DPYSL5: variants seen among roughly 807,000 people sequenced by gnomAD.
DPYSL5 encodes dihydropyrimidinase-related protein 5.
In DPYSL5, 9 loss-of-function variants were observed where a neutral mutation model predicts 58.4. The observed-to-expected ratio is 0.15, with a 90% CI of 0.09 to 0.27. The LOEUF (loss-of-function observed/expected upper bound fraction) is 0.27. Among genes scored for constraint, DPYSL5 ranks in the 10% least tolerant of loss-of-function variants. The pLI, the probability that DPYSL5 is intolerant of heterozygous loss-of-function variation, is 1.00. For missense variants in DPYSL5, 499 were observed against 770.6 expected (o/e 0.65, Z 4.17); for synonymous variants, 293 against 301.9 (o/e 0.97, Z 0.31).
intron 2 of DPYSL5, among the ~76,000 whole-genome samples, chr2:26,923,993 G>A (rs1298606979): frequency 1.3e-5 from 2 of 152,096 alleles, no homozygotes; most frequent in Non-Finnish European, 2.9e-5. Flanking sequence ...AGTTTTGTTT[G>A]GGAACAACAC....
At chr2:26,861,794 CT>C (rs2148110601) in intron 1 of DPYSL5, among the ~76,000 whole-genome samples, 1 of 152,316 alleles carries the variant, frequency 6.6e-6, no homozygotes, top group Admixed American at 6.5e-5. Flanking sequence ...AATCCTCTAT[CT>C]TTGAATGTGG....
chr2:26,942,586 C>G lies in DPYSL5; in HGVS notation c.1276C>G (p.Leu426Val). 1 of 1,614,164 alleles carries G rather than the reference C, an allele frequency of 6.2e-7. No homozygotes were observed. Among genetic ancestry groups the G allele is most frequent in the Non-Finnish European group, 8.5e-7 (1 of 1,180,038 alleles). The change falls in exon 11 of 13, where the codon CTG (leucine) becomes GTG (valine). Residue 426 changes from leucine to valine, a missense_variant. Around this residue, in one of 3 missense-constraint regions of DPYSL5, gnomAD observed 404 missense variants for 647.6 expected, o/e 0.62. Coordinates refer to ENST00000288699, the MANE Select transcript of DPYSL5 (RefSeq NM_020134.4). The surrounding 1 kb of genome is among the most constrained non-coding windows in gnomAD (Gnocchi z 5.9). ...GCAGGTCCAGGGAGGAGACTTCAAC[C>G]TGTATGAGAACATGCGCTGCCACGG... ...STQVQGGDFN[L>V]YENMRCHGVP...
At chr2:26,928,718 T>C (rs112794902) in intron 5 of DPYSL5, among the ~76,000 whole-genome samples, 13,693 of 53,178 alleles carry the variant, frequency 0.26, 3,017 homozygotes, top group East Asian at 0.3. Flanking sequence ...CACACACACA[T>C]ACATATATAT....
At chr2:26,889,327 T>A (rs1663810481) in intron 1 of DPYSL5, among the ~76,000 whole-genome samples, 1 of 151,944 alleles carries the variant, frequency 6.6e-6, no homozygotes, top group African/African-American at 2.4e-5. Flanking sequence ...TGGAGTGCAG[T>A]GGTGCGATCT....
chr2:26,868,461 G>T (rs1663168035), intron 1 of DPYSL5, among the ~76,000 whole-genome samples: 1 of 152,062 alleles, frequency 6.6e-6, no homozygotes, highest in Non-Finnish European at 1.5e-5. Flanking sequence ...TCTTTTTATT[G>T]TTTTATGTTT....
chr2:26,856,436 A>G (rs749147255), intron 1 of DPYSL5, among the ~76,000 whole-genome samples: 18 of 152,154 alleles, frequency 1.2e-4, no homozygotes, highest in Non-Finnish European at 2.4e-4. Context: ...GCTCAAGGTT[A>G]TATTTGCGAG....
In DPYSL5 at chr2:26,947,604, G is replaced by GT. The variant is rs1203933798; in HGVS notation, c.*609_*610insT. 6.5e-6 allele frequency: 1 copy of GT among 152,808 alleles called. No individual in the cohort carries two copies. Among genetic ancestry groups the GT allele is most frequent in the Non-Finnish European group, 1.5e-5 (1 of 68,214 alleles). 9.5% of individuals were successfully genotyped at this position (152,808 alleles called of 1,614,324 possible). A position where few individuals can be genotyped will look rare whatever the true frequency, so the allele number is the denominator to read the frequency against. On this transcript the variant is annotated 3_prime_UTR_variant, in exon 13 of 13. Transcript: ENST00000288699. The surrounding 1 kb of genome is among the most constrained non-coding windows in gnomAD (Gnocchi z 4.2). ...CTCCTGCGCCCCGCCCACACCCTCG[G>GT]GGGGTCACAGGCCCAGAAGGGTAGC...
intron 2 of DPYSL5, among the ~76,000 whole-genome samples, chr2:26,914,380 CA>C (rs1663411345): frequency 6.6e-6 from 1 of 152,208 alleles, no homozygotes; most frequent in Non-Finnish European, 1.5e-5. Flanking sequence ...TGAAGCCCTC[CA>C]GGGGTGAGAA....
In DPYSL5 at chr2:26,942,337, G is replaced by A. The variant is rs971734386; in HGVS notation, c.1233-206G>A. ...AGACTGGATTAGGGCCCACCTATAT[G>A]ACCTCACTTTATCTTAATGATTACA... On this transcript the variant is annotated intron_variant, in intron 10 of 12. Coordinates refer to ENST00000288699, the MANE Select transcript of DPYSL5 (RefSeq NM_020134.4). This position sits in a 1 kb window ranked among gnomAD's most constrained non-coding sequence, Gnocchi z 5.9. Among the ~76,000 whole-genome samples the A allele has an allele frequency of 2.0e-5, 3 of 152,116 alleles. No individual in the cohort carries two copies. Among genetic ancestry groups the A allele is most frequent in the Admixed American group, 6.5e-5 (1 of 15,270 alleles).
In DPYSL5 at chr2:26,944,851, G is replaced by C. The variant is rs1462837065; in HGVS notation, c.1609+27G>C. 6.2e-7 allele frequency: 1 copy of C among 1,609,664 alleles called. No homozygotes were observed. The highest frequency in any genetic ancestry group is 8.5e-7 in the Non-Finnish European group (1 of 1,177,830). On this transcript the variant is annotated intron_variant, in intron 12 of 12. Coordinates refer to ENST00000288699, the MANE Select transcript of DPYSL5 (RefSeq NM_020134.4). The surrounding 1 kb of genome is among the most constrained non-coding windows in gnomAD (Gnocchi z 4.4). ...TAAGAGTCAGGGGGCCACGGGAGGA[G>C]GATGGGGGTCTGGGAGAAGTGGCCC... is the stretch of plus-strand genomic sequence containing the variant.
rs1665125688 is a variant in DPYSL5 at position 26,934,617 on chromosome 2, C to T, written c.830C>T (p.Thr277Met). ...GCGGAGACCACCACTGCACATGCCA[C>T]GCTGACAGGCTTACACTACTACCAC... is the stretch of plus-strand genomic sequence containing the variant. ...VLAETTTAHA[T>M]LTGLHYYHQD... The change falls in exon 8 of 13, where the codon ACG (threonine) becomes ATG (methionine). Residue 277 changes from threonine to methionine, a missense_variant. Physicochemically the swap from Thr to Met is moderately conservative, Grantham distance 81 (BLOSUM62 -1). Around this residue, in one of 3 missense-constraint regions of DPYSL5, gnomAD observed 404 missense variants for 647.6 expected, o/e 0.62. Coordinates refer to ENST00000288699, the MANE Select transcript of DPYSL5 (RefSeq NM_020134.4). The surrounding 1 kb of genome is among the most constrained non-coding windows in gnomAD (Gnocchi z 4.3). 5.0e-6 allele frequency: 8 copies of T among 1,613,558 alleles called. No individual in the cohort carries two copies. Among genetic ancestry groups the T allele is most frequent in the African/African-American group, 1.3e-5 (1 of 74,898 alleles).
chr2:26,870,699 ACT>A (rs1200682790), intron 1 of DPYSL5, among the ~76,000 whole-genome samples: 5 of 143,894 alleles, frequency 3.5e-5, no homozygotes, highest in Admixed American at 2.2e-4. Context: ...AGTAAGAAAG[ACT>A]CTGTCTCAAA....
At position 26,947,050 on chromosome 2, in the gene DPYSL5, C is replaced by T. The variant is rs1665507681; in HGVS notation, c.*55C>T. On this transcript the variant is annotated 3_prime_UTR_variant, in exon 13 of 13. Transcript: ENST00000288699. The surrounding 1 kb of genome is among the most constrained non-coding windows in gnomAD (Gnocchi z 4.2). ...GCACCGCCGCCACCAGCCCGCAACT[C>T]TCCAGCCGAAGCTGCAGGGGCAGGA... 6.8e-7 allele frequency: 1 copy of T among 1,464,792 alleles called. No homozygotes were observed. The highest frequency in any genetic ancestry group is 1.4e-5 in the African/African-American group (1 of 71,876). The allele number at this position is 1,464,792 out of a possible 1,614,324, so 90.7% of individuals were successfully genotyped here. A position where few individuals can be genotyped will look rare whatever the true frequency, so the allele number is the denominator to read the frequency against.
chr2:26,930,781 T>C (rs2148163567), intron 5 of DPYSL5, among the ~76,000 whole-genome samples: 1 of 152,190 alleles, frequency 6.6e-6, no homozygotes, highest in South Asian at 2.1e-4. Flanking sequence ...GAGACCATCC[T>C]GGCTAACATG....
At chr2:26,929,897 T>C (rs916244588) in intron 5 of DPYSL5, among the ~76,000 whole-genome samples, 1 of 152,238 alleles carries the variant, frequency 6.6e-6, no homozygotes, top group African/African-American at 2.4e-5. Flanking sequence ...ATTACCCTGT[T>C]TACACATTCT....
chr2:26,938,158 G>C (rs1323065996), intron 8 of DPYSL5, among the ~76,000 whole-genome samples: 1 of 152,164 alleles, frequency 6.6e-6, no homozygotes, highest in Non-Finnish European at 1.5e-5. Flanking sequence ...AGAGAGCTCA[G>C]AGGGCCTCCT....
intron 8 of DPYSL5, among the ~76,000 whole-genome samples, chr2:26,937,062 G>C (rs1665198856): frequency 6.6e-6 from 1 of 151,652 alleles, no homozygotes; most frequent in African/African-American, 2.4e-5. Context: ...TGGTTCCAAG[G>C]TCAAGAATCT....
In DPYSL5 at chr2:26,930,306, G is replaced by A. The variant is rs1360139541; in HGVS notation, c.670-1334G>A. Among the ~76,000 whole-genome samples the A allele has an allele frequency of 3.9e-5, 6 of 152,252 alleles. No homozygotes were observed. In the East Asian group the frequency reaches 9.6e-4, roughly 24 times the overall value. ...AAAGAGCAAGGCTTTGGCTGTGGTCGTAATACCAATAATTATCACCGCCAT... is the reference window on the plus strand; with the variant it reads ...AAAGAGCAAGGCTTTGGCTGTGGTCATAATACCAATAATTATCACCGCCAT... On this transcript the variant is annotated intron_variant, in intron 5 of 12. Transcript: ENST00000288699.
At chr2:26,908,058 G>C (rs1041496391) in intron 2 of DPYSL5, among the ~76,000 whole-genome samples, 1 of 152,114 alleles carries the variant, frequency 6.6e-6, no homozygotes, top group Non-Finnish European at 1.5e-5. Context: ...CTCCATTGTC[G>C]TATGTCTTTA....
Sources: allele counts gnomAD v4.1 joint callset (sites outside exome capture counted in the v4.1 genomes callset), GRCh38; gene constraint gnomAD v4.1.1; regional missense constraint gnomAD v4.1.1; non-coding constraint Gnocchi (gnomAD v3.1); transcripts MANE v1.5; gene names NCBI Gene and HGNC (gene_info 2026-07-23, HGNC 2026-07-21).